Variants in DCC observed in about 807,000 individuals in gnomAD.
DCC encodes netrin receptor DCC.
DCC carries 58 observed loss-of-function variants against 172.5 expected under a neutral mutation model. That is an observed-to-expected ratio of 0.34 (90% confidence interval 0.27 to 0.42). The LOEUF is 0.42. Among genes scored for constraint, DCC ranks in the 10% least tolerant of loss-of-function variants. The pLI is 1.00. For synonymous variants in DCC, 709 were observed against 644.5 expected, an observed-to-expected ratio of 1.10 and a Z score of -1.52; for missense variants, 1,740 against 1,791.0, an observed-to-expected ratio of 0.97 and a Z score of 0.51.
At chr18:52,931,291 A>G (rs1271916074) in intron 5 of DCC, among the ~76,000 whole-genome samples, 1 of 152,150 alleles carries the variant, frequency 6.6e-6, no homozygotes, top group Non-Finnish European at 1.5e-5. Flanking sequence ...TAAGAAAAGA[A>G]CTTTATTATC....
intron 2 of DCC, among the ~76,000 whole-genome samples, chr18:52,893,063 C>T (rs369634139): frequency 2.6e-5 from 4 of 151,878 alleles, no homozygotes; most frequent in Non-Finnish European, 4.4e-5. Flanking sequence ...TAGCTATTAC[C>T]AAATTAACTT....
In DCC at chr18:53,534,435, A is replaced by ATAC. The variant is rs2046552961; in HGVS notation, c.*3785_*3787dup. On this transcript the variant is annotated 3_prime_UTR_variant, in exon 29 of 29. Transcript: ENST00000442544. Reference sequence around the variant, plus strand: ...ACTATCCTAACCTGCTCATAACCATATACTATACAGAGCCCACAACTTTCT... The same window carrying ATAC: ...ACTATCCTAACCTGCTCATAACCATATACTACTATACAGAGCCCACAACTTTCT... 1 of 152,204 alleles carries ATAC rather than the reference A, an allele frequency of 6.6e-6. No individual in the cohort carries two copies. Among genetic ancestry groups the ATAC allele is most frequent in the South Asian group, 2.1e-4 (1 of 4,832 alleles). 9.4% of individuals were successfully genotyped at this position (152,204 alleles called of 1,614,324 possible). A position where few individuals can be genotyped will look rare whatever the true frequency, so the allele number is the denominator to read the frequency against.
chr18:52,623,584 TAC>T (rs1466231068), intron 1 of DCC, among the ~76,000 whole-genome samples: 1 of 152,230 alleles, frequency 6.6e-6, no homozygotes, highest in Non-Finnish European at 1.5e-5. Flanking sequence ...TTAATCTCAT[TAC>T]ACAGTTTCTC....
In DCC at chr18:52,731,349, G is replaced by T. The variant is rs150017997; in HGVS notation, c.92-20705G>T. 6.6e-5 allele frequency among the ~76,000 whole-genome samples: 10 copies of T among 152,304 alleles called. No homozygotes were observed. In the East Asian group the frequency reaches 1.7e-3, roughly 26 times the overall value. ...GCTAACTGTCCTCTGAGGAATGAGG[G>T]AGTAGGCTTCAAAATGAAAGGAAAA... On this transcript the variant is annotated intron_variant, in intron 1 of 28. Coordinates refer to ENST00000442544, the MANE Select transcript of DCC (RefSeq NM_005215.4).
intron 24 of DCC, among the ~76,000 whole-genome samples, chr18:53,461,043 AT>A (rs1170631414): frequency 1.3e-5 from 2 of 152,048 alleles, no homozygotes; most frequent in African/African-American, 4.8e-5. Context: ...GATGGTGAAC[AT>A]TTTTTCATGT....
chr18:53,152,434 T>C (rs2054655881), intron 7 of DCC, among the ~76,000 whole-genome samples: 1 of 152,190 alleles, frequency 6.6e-6, no homozygotes, highest in Admixed American at 6.5e-5. Flanking sequence ...AATAGCATCA[T>C]TGTTACCAAG....
At chr18:53,356,269 A>G (rs1458111472) in intron 15 of DCC, among the ~76,000 whole-genome samples, 1 of 152,090 alleles carries the variant, frequency 6.6e-6, no homozygotes, top group Non-Finnish European at 1.5e-5. Context: ...TACAGTCATA[A>G]TAACACTTTC....
intron 1 of DCC, among the ~76,000 whole-genome samples, chr18:52,396,282 C>G (rs1457852570): frequency 3.1e-4 from 2 of 6,548 alleles, no homozygotes; most frequent in Non-Finnish European, 6.8e-4. Flanking sequence ...CTGCACCACA[C>G]CCCCCCCCCA....
intron 5 of DCC, among the ~76,000 whole-genome samples, chr18:52,934,395 G>C (rs2040352576): frequency 6.6e-6 from 1 of 152,056 alleles, no homozygotes; most frequent in Non-Finnish European, 1.5e-5. Flanking sequence ...ACACCTTGCT[G>C]TTCATGCTTT....
At chr18:52,730,910 AG>A (rs1194536143) in intron 1 of DCC, among the ~76,000 whole-genome samples, 12 of 152,210 alleles carry the variant, frequency 7.9e-5, no homozygotes, top group Non-Finnish European at 1.5e-5. Context: ...TTTCTAGAGA[AG>A]TCTGCTTAAT....
chr18:52,773,106 C>G (rs920952090), intron 2 of DCC, among the ~76,000 whole-genome samples: 1 of 152,166 alleles, frequency 6.6e-6, no homozygotes. Flanking sequence ...TAACGATTAA[C>G]AGCAACTGCA....
At chr18:52,831,701 T>C (rs1158227936) in intron 2 of DCC, among the ~76,000 whole-genome samples, 1 of 152,142 alleles carries the variant, frequency 6.6e-6, no homozygotes, top group African/African-American at 2.4e-5. Flanking sequence ...GATTTATTGA[T>C]CTATCCATAG....
intron 1 of DCC, among the ~76,000 whole-genome samples, chr18:52,576,912 G>A (rs868301182): frequency 4.6e-5 from 7 of 151,150 alleles, no homozygotes; most frequent in Middle Eastern, 3.4e-3. Context: ...TTCCTTCAAT[G>A]AGCATTATAT....
At chr18:52,824,349 G>A (rs1429678288) in intron 2 of DCC, among the ~76,000 whole-genome samples, 5 of 152,160 alleles carry the variant, frequency 3.3e-5, no homozygotes, top group Admixed American at 1.3e-4. Flanking sequence ...AAAACATGAA[G>A]TGGTCTGTTT....
At chr18:52,381,773 A>G (rs1474244412) in intron 1 of DCC, among the ~76,000 whole-genome samples, 47 of 152,214 alleles carry the variant, frequency 3.1e-4, no homozygotes, top group Non-Finnish European at 5.9e-5. Flanking sequence ...TTTCTGCCCT[A>G]GCGAGCTCAT....
rs555175324 is a variant in DCC at position 53,083,032 on chromosome 18, A to G, written c.1261+16866A>G. 9.2e-3 allele frequency among the ~76,000 whole-genome samples: 1,384 copies of G among 149,866 alleles called. 23 individuals are homozygous for G. Among genetic ancestry groups the G allele is most frequent in the African/African-American group, 0.032 (1,298 of 40,810 alleles). On this transcript the variant is annotated intron_variant, in intron 7 of 28. Transcript: ENST00000442544. Reference sequence around the variant, plus strand: ...GCAATTCTAAGGTCATTTTTTTTTTACCTTTGCTATTTCTCCCACAAATTT... The same window carrying G: ...GCAATTCTAAGGTCATTTTTTTTTTGCCTTTGCTATTTCTCCCACAAATTT...
rs756047757 is a variant in DCC, at chr18:53,157,457, G to C, written c.1363G>C (p.Ala455Pro). Residue 455 changes from alanine to proline, a missense_variant, in exon 8 of 29, where the codon GCG (alanine) becomes CCG (proline). Ala to Pro is a conservative substitution (Grantham distance 27). This residue lies in a region of DCC where 1,732 missense variants were observed against 1,767.4 expected (regional missense o/e 0.98). Transcript: ENST00000442544. ...TCTCAGCTGGCGCCCACCTGCAGAA[G>C]CGAAAGGGAACATTCAAACTTTCAC... Reference protein sequence around the residue: ...VRLSWRPPAEAKGNIQTFTVF... With the variant: ...VRLSWRPPAEPKGNIQTFTVF... The C allele has an allele frequency of 1.9e-6, 3 of 1,614,048 alleles. No individual in the cohort carries two copies. The South Asian group carries it at 3.3e-5, about 18-fold the overall frequency.
At chr18:52,683,429 AC>A (rs1453018223) in intron 1 of DCC, among the ~76,000 whole-genome samples, 1 of 152,126 alleles carries the variant, frequency 6.6e-6, no homozygotes, top group Non-Finnish European at 1.5e-5. Context: ...AAACACAGGG[AC>A]AATACGAAGG....
At chr18:52,492,909 G>T (rs572223692) in intron 1 of DCC, among the ~76,000 whole-genome samples, 1 of 151,982 alleles carries the variant, frequency 6.6e-6, no homozygotes, top group Non-Finnish European at 1.5e-5. Context: ...ATATGATAGC[G>T]GGCAGTCAGG....
Sources: allele counts gnomAD v4.1 joint callset (sites outside exome capture counted in the v4.1 genomes callset), GRCh38; gene constraint gnomAD v4.1.1; regional missense constraint gnomAD v4.1.1; transcripts MANE v1.5; gene names NCBI Gene and HGNC (gene_info 2026-07-23, HGNC 2026-07-21).